Variants in ERLEC1 observed in about 807,000 individuals in gnomAD.
ERLEC1 encodes endoplasmic reticulum lectin 1.
Under a neutral mutation model 68.0 loss-of-function variants are expected in ERLEC1, and 47 were observed. That is an observed-to-expected ratio of 0.69 (90% CI 0.55 to 0.88). The LOEUF is 0.88. Among genes scored for constraint, ERLEC1 ranks in the 40% least tolerant of loss-of-function variants. The pLI, the probability that ERLEC1 is intolerant of heterozygous loss-of-function variation, is 0.00. For missense variants in ERLEC1, 567 were observed against 583.8 expected (o/e 0.97, Z 0.30); for synonymous variants, 225 against 203.2 (o/e 1.11, Z -0.91).
rs1338065199 is a variant in ERLEC1 at position 53,805,919 on chromosome 2, T to C, written c.880-2380T>C. Among the ~76,000 whole-genome samples, 10 of 152,352 alleles carry C rather than the reference T, an allele frequency of 6.6e-5. No homozygotes were observed. The East Asian group carries it at 1.7e-3, about 26-fold the overall frequency. On this transcript the variant is annotated intron_variant, in intron 8 of 13. Transcript: ENST00000185150. ...ATCAATGATGTTGATACTTAGTATC[T>C]TTAGGGTACATGTGCCATATGAAAA...
At chr2:53,812,900 A>G (rs772412678) in intron 10 of ERLEC1, 49 bp from the exon 11 acceptor site, 2 of 1,586,434 alleles carry the variant, frequency 1.3e-6, no homozygotes, top group South Asian at 2.3e-5. Flanking sequence ...ATAAATATCT[A>G]CTTGATGATA....
chr2:53,791,972 C>T (rs1675422170), intron 1 of ERLEC1, among the ~76,000 whole-genome samples: 1 of 149,918 alleles, frequency 6.7e-6, no homozygotes, highest in African/African-American at 2.5e-5. Context: ...AGTGCAGTGG[C>T]GAGGTCTCAG....
chr2:53,805,183 C>T (rs908000976), intron 8 of ERLEC1, among the ~76,000 whole-genome samples: 23 of 151,144 alleles, frequency 1.5e-4, no homozygotes, highest in Admixed American at 5.9e-4. Flanking sequence ...CCACCATGCC[C>T]GGCTAATTTT....
In ERLEC1 at chr2:53,787,316, C is replaced by T; in HGVS notation, c.106C>T (p.Gln36Ter). The change falls in exon 1 of 14, where the codon CAA becomes TAA. Residue 36 changes from glutamine (Q) to a stop codon, truncating the protein, a stop_gained. Transcript: ENST00000185150. LOFTEE classifies it high-confidence loss of function. ...EASGGGRALP[Q>*]LSDDIPFRVN... Reference sequence around the variant, plus strand: ...GTCCGGCGGCGGCCGAGCCCTTCCTCAACTCAGCGATGACATCCCTTTCCG... The same window carrying T: ...GTCCGGCGGCGGCCGAGCCCTTCCTTAACTCAGCGATGACATCCCTTTCCG... 3 of 1,611,512 alleles carry T rather than the reference C, an allele frequency of 1.9e-6. No homozygotes were observed. Among genetic ancestry groups the T allele is most frequent in the South Asian group, 1.1e-5 (1 of 91,080 alleles).
chr2:53,801,957 C>A, intron 8 of ERLEC1, 115 bp downstream of exon 8: 2 of 800,754 alleles, frequency 2.5e-6, no homozygotes, highest in Non-Finnish European at 2.0e-6. Flanking sequence ...TTTACTGGCC[C>A]AACCTTTTGA....
At chr2:53,810,705 T>A (rs1440226597) in intron 10 of ERLEC1, among the ~76,000 whole-genome samples, 1 of 152,234 alleles carries the variant, frequency 6.6e-6, no homozygotes, top group Admixed American at 6.5e-5. Flanking sequence ...CCTTCCACAT[T>A]TAAATCTTCC....
At chr2:53,799,291 C>T (rs1675883179) in intron 6 of ERLEC1, among the ~76,000 whole-genome samples, 2 of 152,074 alleles carry the variant, frequency 1.3e-5, no homozygotes, top group Admixed American at 1.3e-4. Context: ...TAAGATTATA[C>T]AAAAATAAAT....
intron 1 of ERLEC1, among the ~76,000 whole-genome samples, chr2:53,792,371 T>C (rs564639957): frequency 6.6e-6 from 1 of 152,152 alleles, no homozygotes; most frequent in Non-Finnish European, 1.5e-5. Context: ...CATAGTAATC[T>C]AGGAGAAGTT....
intron 10 of ERLEC1, among the ~76,000 whole-genome samples, chr2:53,810,737 G>C (rs1404857759): frequency 1.3e-5 from 2 of 152,172 alleles, no homozygotes; most frequent in East Asian, 3.8e-4. Flanking sequence ...GGCATCCATA[G>C]ACTAGGATGT....
Position 53,818,095 on chromosome 2 carries a change from A to T in ERLEC1, c.*126A>T. ...AAAGGATGGTATAAAATGACTCTCA[A>T]CCACTTTGTGAATACATATGTGTAT... On this transcript the variant is annotated 3_prime_UTR_variant, in exon 14 of 14. Coordinates refer to ENST00000185150, the MANE Select transcript of ERLEC1 (RefSeq NM_015701.5). 1.6e-6 allele frequency: 1 copy of T among 640,018 alleles called. No individual in the cohort carries two copies. Among genetic ancestry groups the T allele is most frequent in the Non-Finnish European group, 2.8e-6 (1 of 358,428 alleles). 39.6% of individuals were successfully genotyped at this position (640,018 alleles called of 1,614,324 possible).
chr2:53,797,818 G>T, intron 5 of ERLEC1, 23 bp downstream of exon 5: 1 of 1,589,340 alleles, frequency 6.3e-7, no homozygotes, highest in Non-Finnish European at 8.6e-7. Flanking sequence ...CCAGTGATTT[G>T]ACAGTAATGC....
At chr2:53,816,001 C>T (rs868707488) in intron 13 of ERLEC1, among the ~76,000 whole-genome samples, 80 of 151,524 alleles carry the variant, frequency 5.3e-4, no homozygotes, top group Non-Finnish European at 7.2e-4. Context: ...TTCTTTCTTT[C>T]TTTTTTTTAA....
intron 11 of ERLEC1, 62 bp downstream of exon 11, chr2:53,813,135 T>C (rs1385813037): frequency 6.4e-7 from 1 of 1,558,638 alleles, no homozygotes; most frequent in African/African-American, 1.4e-5. Flanking sequence ...CTCAAAATAT[T>C]GAAAAACATA....
At chr2:53,812,890 A>G in intron 10 of ERLEC1, 59 bp from the exon 11 acceptor site, 3 of 1,577,152 alleles carry the variant, frequency 1.9e-6, no homozygotes, top group Non-Finnish European at 1.7e-6. Flanking sequence ...GGTCATCAGC[A>G]TAAATATCTA....
intron 8 of ERLEC1, among the ~76,000 whole-genome samples, chr2:53,802,416 T>A (rs1378590686): frequency 3.9e-5 from 6 of 152,192 alleles, no homozygotes; most frequent in Non-Finnish European, 8.8e-5. Context: ...TATCTCTAAC[T>A]CTAATCATCC....
intron 12 of ERLEC1, 85 bp downstream of exon 12, chr2:53,814,705 T>G: frequency 4.8e-6 from 5 of 1,035,972 alleles, no homozygotes; most frequent in Middle Eastern, 4.7e-4. Flanking sequence ...ACAGTATAAT[T>G]ATGAATAATT....
chr2:53,795,871 A>G, intron 2 of ERLEC1, 62 bp from the exon 3 acceptor site: 1 of 1,145,234 alleles, frequency 8.7e-7, no homozygotes, highest in Non-Finnish European at 1.3e-6. Context: ...TTAATATCCA[A>G]ACAGCAAAGT....
chr2:53,804,469 T>A (rs1163062517), intron 8 of ERLEC1, among the ~76,000 whole-genome samples: 1 of 152,016 alleles, frequency 6.6e-6, no homozygotes, highest in African/African-American at 2.4e-5. Context: ...AGAGACAGGG[T>A]TTTGCCATGT....
chr2:53,802,397 C>G (rs17045239), intron 8 of ERLEC1, among the ~76,000 whole-genome samples: 8,576 of 152,208 alleles, frequency 0.056, 440 homozygotes, highest in East Asian at 0.28. Flanking sequence ...TTACCTGTAT[C>G]TCTTCATTTA....
Sources: gnomAD v4.1 joint callset for allele counts (sites outside exome capture counted in the v4.1 genomes callset) on GRCh38, gnomAD v4.1.1 for gene constraint, MANE v1.5 for transcripts, NCBI Gene and HGNC (gene_info 2026-07-23, HGNC 2026-07-21) for gene names.